The following GMDS variants were observed in gnomAD, a reference collection of about 807,000 sequenced individuals.
The protein encoded by GMDS is GDP-mannose 4,6-dehydratase.
Under a neutral mutation model 49.9 loss-of-function variants are expected in GMDS, and 20 were observed. The ratio of observed to expected loss-of-function variants is 0.40; its 90% CI spans 0.28 to 0.58. The LOEUF (loss-of-function observed/expected upper bound fraction) is 0.58. Ranked by LOEUF, GMDS falls within the 20% of genes least tolerant of loss-of-function variation. GMDS has a pLI of 0.42. For synonymous variants in GMDS, 177 were observed against 178.6 expected (o/e 0.99, Z 0.07); for missense variants, 362 against 481.4 (o/e 0.75, Z 2.32).
chr6:2,202,745 G>A (rs533437355), intron 1 of GMDS, among the ~76,000 whole-genome samples: 8 of 152,252 alleles, frequency 5.3e-5, no homozygotes, highest in African/African-American at 1.9e-4. Context: ...TGGATAGAAT[G>A]GGCTGTTTCT....
intron 4 of GMDS, among the ~76,000 whole-genome samples, chr6:1,982,025 C>T (rs1362265799): frequency 6.6e-6 from 1 of 152,056 alleles, no homozygotes; most frequent in Non-Finnish European, 1.5e-5. Context: ...AATACTTTGG[C>T]CAGGTGCGGT....
At chr6:1,763,159 C>T (rs762271787) in intron 7 of GMDS, among the ~76,000 whole-genome samples, 3 of 152,176 alleles carry the variant, frequency 2.0e-5, no homozygotes, top group South Asian at 2.1e-4. Flanking sequence ...GCTGTGGACA[C>T]GTGCGAAGAT....
intron 7 of GMDS, among the ~76,000 whole-genome samples, chr6:1,850,347 C>T (rs1757607690): frequency 1.3e-5 from 2 of 152,214 alleles, no homozygotes; most frequent in South Asian, 4.1e-4. Context: ...TAGTGAGGCG[C>T]TTCTACACAT....
rs574941676 is a variant in GMDS at position 2,237,978 on chromosome 6, C to T, written c.102+7343G>A. Among the ~76,000 whole-genome samples the T allele has an allele frequency of 3.7e-4, 57 of 152,252 alleles. No individual in the cohort carries two copies. In the East Asian group the frequency reaches 4.2e-3, roughly 11 times the overall value. On this transcript the variant is annotated intron_variant, in intron 1 of 10. Transcript: ENST00000380815. ...TTTCATGCCTTCTAAGTAAGAGCTA[C>T]AGAAAGTTCTGGGAGACAGGGAAGA...
chr6:1,772,578 T>TG (rs1330691894), intron 7 of GMDS, among the ~76,000 whole-genome samples: 1 of 152,224 alleles, frequency 6.6e-6, no homozygotes, highest in Non-Finnish European at 1.5e-5. Flanking sequence ...CACTGAAGTT[T>TG]GGGGTGCAAC....
intron 1 of GMDS, among the ~76,000 whole-genome samples, chr6:2,196,524 T>G (rs1779281818): frequency 6.6e-6 from 1 of 152,228 alleles, no homozygotes; most frequent in African/African-American, 2.4e-5. Flanking sequence ...TCTACAGTGT[T>G]TGATGCCTAC....
chr6:1,679,487 CA>C (rs1385089121), intron 9 of GMDS: 5 of 152,276 alleles, frequency 3.3e-5, no homozygotes, highest in Non-Finnish European at 5.9e-5. Flanking sequence ...AAGGGGGCCC[CA>C]GCTAATGCTG....
At chr6:1,855,279 C>T (rs997251415) in intron 7 of GMDS, among the ~76,000 whole-genome samples, 3 of 152,244 alleles carry the variant, frequency 2.0e-5, no homozygotes, top group African/African-American at 7.2e-5. Context: ...TTCACATCAA[C>T]ATCTTCTCTA....
chr6:2,052,143 A>AAAAAAAAAAAAAAAAAAAAAAAAAAC (rs1770453878), intron 4 of GMDS, among the ~76,000 whole-genome samples: 1 of 148,924 alleles, frequency 6.7e-6, no homozygotes, highest in Non-Finnish European at 1.5e-5. Flanking sequence ...AAAAAAAAAA[A>AAAAAAAAAAAAAAAAAAAAAAAAAAC]CAGAAAAGAA....
At chr6:1,991,687 C>T (rs964421513) in intron 4 of GMDS, among the ~76,000 whole-genome samples, 3 of 152,150 alleles carry the variant, frequency 2.0e-5, no homozygotes, top group East Asian at 1.9e-4. Flanking sequence ...TCCAGGGCTT[C>T]GTTCATGTTG....
At chr6:1,675,321 T>A (rs1764580836) in intron 9 of GMDS, among the ~76,000 whole-genome samples, 2 of 30,722 alleles carry the variant, frequency 6.5e-5, no homozygotes, top group Non-Finnish European at 1.3e-4. Flanking sequence ...GTTCCAGGAT[T>A]TTTTTTTTTT....
chr6:1,794,587 C>A (rs1371379620), intron 7 of GMDS, among the ~76,000 whole-genome samples: 1 of 152,174 alleles, frequency 6.6e-6, no homozygotes, highest in East Asian at 1.9e-4. Flanking sequence ...CTTCATAACA[C>A]AGTAGGGTTA....
chr6:1,847,947 A>C (rs1314654384), intron 7 of GMDS, among the ~76,000 whole-genome samples: 1 of 152,118 alleles, frequency 6.6e-6, no homozygotes, highest in Admixed American at 6.5e-5. Flanking sequence ...ATGAAAGAGA[A>C]GTATAAGACA....
At chr6:1,799,021 T>C (rs981614256) in intron 7 of GMDS, among the ~76,000 whole-genome samples, 1 of 152,238 alleles carries the variant, frequency 6.6e-6, no homozygotes, top group Non-Finnish European at 1.5e-5. Flanking sequence ...AAGAGGCATT[T>C]TGATCACTAA....
At chr6:1,871,572 C>CT (rs1561856942) in intron 7 of GMDS, among the ~76,000 whole-genome samples, 1 of 152,116 alleles carries the variant, frequency 6.6e-6, no homozygotes, top group Non-Finnish European at 1.5e-5. Flanking sequence ...ACAGAAATTA[C>CT]TTTTTTTCAT....
At chr6:1,756,294 G>A (rs1276665511) in intron 7 of GMDS, among the ~76,000 whole-genome samples, 28 of 145,960 alleles carry the variant, frequency 1.9e-4, no homozygotes, top group Non-Finnish European at 3.7e-4. Flanking sequence ...ATGGAGTTTC[G>A]CTTTTGTCTC....
intron 9 of GMDS, among the ~76,000 whole-genome samples, chr6:1,716,105 TG>T (rs1310674693): frequency 6.6e-6 from 1 of 152,152 alleles, no homozygotes; most frequent in Non-Finnish European, 1.5e-5. Flanking sequence ...ACAAAATCCC[TG>T]GAAAATAGGG....
chr6:2,161,757 A>G (rs1777411343), intron 1 of GMDS, among the ~76,000 whole-genome samples: 2 of 152,230 alleles, frequency 1.3e-5, no homozygotes, highest in Admixed American at 1.3e-4. Flanking sequence ...GACCCCTTTA[A>G]GGGACATTTC....
At chr6:1,799,957 C>A (rs549448630) in intron 7 of GMDS, among the ~76,000 whole-genome samples, 2 of 152,238 alleles carry the variant, frequency 1.3e-5, no homozygotes, top group Admixed American at 1.3e-4. Context: ...GTCATTCATA[C>A]CTTAATGTCT....
Sources: allele counts gnomAD v4.1 joint callset (sites outside exome capture counted in the v4.1 genomes callset), GRCh38; gene constraint gnomAD v4.1.1; transcripts MANE v1.5; gene names NCBI Gene and HGNC (gene_info 2026-07-23, HGNC 2026-07-21).